Variants in TECRL observed in about 807,000 individuals in gnomAD.
TECRL encodes the protein trans-2,3-enoyl-CoA reductase like.
A neutral mutation model predicts 52.8 loss-of-function variants in TECRL; 63 were observed. The observed-to-expected ratio is 1.19, with a 90% CI of 0.97 to 1.47. The LOEUF is 1.47. TECRL is among the 40% of genes most tolerant of loss of function. The probability of loss-of-function intolerance (pLI) is 0.00; values close to 1 mark genes in which losing one functional copy is unlikely to be tolerated. For synonymous variants in TECRL, 164 were observed against 141.9 expected (o/e 1.16, Z -1.10); for missense variants, 482 against 429.6 (o/e 1.12, Z -1.08).
chr4:64,393,893 C>A (rs1723730115), intron 1 of TECRL, among the ~76,000 whole-genome samples: 1 of 151,644 alleles, frequency 6.6e-6, no homozygotes, highest in South Asian at 2.1e-4. Flanking sequence ...AGCTAGCTAG[C>A]TAGATAAAAA....
intron 1 of TECRL, among the ~76,000 whole-genome samples, chr4:64,405,126 A>G (rs1724620372): frequency 6.6e-6 from 1 of 152,272 alleles, no homozygotes; most frequent in African/African-American, 2.4e-5. Flanking sequence ...AAAGAAGTAA[A>G]ACAAGGAAGC....
chr4:64,281,007 A>G (rs529481738), intron 11 of TECRL, 34 bp downstream of exon 11: 1 of 1,513,942 alleles, frequency 6.6e-7, no homozygotes, highest in Non-Finnish European at 9.1e-7. Context: ...AGATGCATTT[A>G]TTTTGATTAA....
chr4:64,277,596 A>G (rs1722617227), downstream of TECRL: 1 of 151,912 alleles, frequency 6.6e-6, no homozygotes, highest in Admixed American at 6.6e-5. Context: ...GCCCCTACCC[A>G]GTGTATATAG....
At chr4:64,343,144 A>C (rs1176381044) in intron 2 of TECRL, among the ~76,000 whole-genome samples, 4 of 152,158 alleles carry the variant, frequency 2.6e-5, no homozygotes, top group African/African-American at 9.6e-5. Flanking sequence ...CCAGTGCTTA[A>C]ATTAACAAAG....
chr4:64,338,965 T>C (rs1157869418), intron 2 of TECRL, among the ~76,000 whole-genome samples: 9 of 152,178 alleles, frequency 5.9e-5, no homozygotes, highest in East Asian at 5.8e-4. Context: ...ATCATGCTGC[T>C]ATGAAGACAC....
chr4:64,347,843 A>T (rs1720098123), intron 2 of TECRL, among the ~76,000 whole-genome samples: 1 of 151,954 alleles, frequency 6.6e-6, no homozygotes. Context: ...CATTTACCCC[A>T]TGGCGCCTCC....
intron 6 of TECRL, among the ~76,000 whole-genome samples, chr4:64,309,506 G>A (rs1018582980): frequency 1.3e-5 from 2 of 152,046 alleles, no homozygotes; most frequent in Admixed American, 6.6e-5. Context: ...TTGTAGGAAC[G>A]TTCTTATATC....
chr4:64,293,833 T>C (rs556490177), intron 8 of TECRL, among the ~76,000 whole-genome samples: 5 of 151,796 alleles, frequency 3.3e-5, no homozygotes, highest in African/African-American at 1.2e-4. Context: ...ACAATAAAAA[T>C]AATTAATCCT....
intron 1 of TECRL, among the ~76,000 whole-genome samples, chr4:64,398,035 A>ATTAT (rs4034912): frequency 0.64 from 96,965 of 151,536 alleles, 32,304 homozygotes; most frequent in Non-Finnish European, 0.74. Context: ...TTAAAAAGTA[A>ATTAT]TTATCTTTAA....
At chr4:64,382,362 C>A (rs1722880719) in intron 1 of TECRL, among the ~76,000 whole-genome samples, 1 of 146,462 alleles carries the variant, frequency 6.8e-6, no homozygotes, top group South Asian at 2.1e-4. Flanking sequence ...CACACTTACA[C>A]ACACATACAC....
At chr4:64,304,253 G>A (rs1033110369) in intron 7 of TECRL, among the ~76,000 whole-genome samples, 2 of 151,702 alleles carry the variant, frequency 1.3e-5, no homozygotes, top group Admixed American at 6.6e-5. Flanking sequence ...GAAGATATAG[G>A]AAATTTTCAC....
At chr4:64,347,741 T>C (rs967726998) in intron 2 of TECRL, among the ~76,000 whole-genome samples, 3 of 152,122 alleles carry the variant, frequency 2.0e-5, no homozygotes, top group Non-Finnish European at 1.5e-5. Context: ...TAACCTCCTC[T>C]CTCTGTATGT....
At chr4:64,284,042 A>G (rs897690716) in intron 9 of TECRL, among the ~76,000 whole-genome samples, 3 of 152,090 alleles carry the variant, frequency 2.0e-5, no homozygotes, top group African/African-American at 7.2e-5. Flanking sequence ...CCTACCCAGC[A>G]TGAACCAACA....
chr4:64,395,132 C>A (rs1420589934), intron 1 of TECRL, among the ~76,000 whole-genome samples: 2 of 151,906 alleles, frequency 1.3e-5, no homozygotes, highest in Non-Finnish European at 2.9e-5. Flanking sequence ...GTTGGCCAGG[C>A]TGGTCTCAAA....
At chr4:64,287,178 A>G (rs1004460516) in intron 9 of TECRL, among the ~76,000 whole-genome samples, 1 of 152,146 alleles carries the variant, frequency 6.6e-6, no homozygotes, top group African/African-American at 2.4e-5. Context: ...TAAAGCACAG[A>G]TATTTTTAAC....
chr4:64,309,756 T>C, intron 6 of TECRL, 70 bp downstream of exon 6: 1 of 992,588 alleles, frequency 1.0e-6, no homozygotes, highest in Non-Finnish European at 1.6e-6. Context: ...GAAACAATGA[T>C]TAAATATTTT....
At chr4:64,365,719 G>A (rs1721551342) in intron 2 of TECRL, among the ~76,000 whole-genome samples, 2 of 151,884 alleles carry the variant, frequency 1.3e-5, no homozygotes, top group South Asian at 2.1e-4. Context: ...ACTGCTGAAG[G>A]CAATTAGAGA....
intron 6 of TECRL, among the ~76,000 whole-genome samples, chr4:64,309,158 C>A (rs1285505643): frequency 6.6e-6 from 1 of 152,014 alleles, no homozygotes; most frequent in Non-Finnish European, 1.5e-5. Context: ...TGCTTTACTG[C>A]AATGACAACA....
At chr4:64,386,709 G>A (rs986022832) in intron 1 of TECRL, among the ~76,000 whole-genome samples, 2 of 152,102 alleles carry the variant, frequency 1.3e-5, no homozygotes, top group Admixed American at 6.6e-5. Context: ...CAAAATGGAA[G>A]CCTGTTACTC....
Sources: allele counts gnomAD v4.1 joint callset (sites outside exome capture counted in the v4.1 genomes callset), GRCh38; gene constraint gnomAD v4.1.1; transcripts MANE v1.5; gene names NCBI Gene and HGNC (gene_info 2026-07-23, HGNC 2026-07-21).